DOCK11: variants seen among roughly 807,000 people sequenced by gnomAD.
DOCK11 encodes dedicator of cytokinesis 11.
DOCK11 carries 70 observed loss-of-function variants against 169.1 expected under a neutral mutation model. That is an observed-to-expected ratio of 0.41 (90% CI 0.34 to 0.51). The LOEUF is 0.51. Ranked by LOEUF, DOCK11 falls within the 20% of genes least tolerant of loss-of-function variation. The probability of loss-of-function intolerance (pLI) is 0.10; values close to 1 mark genes in which losing one functional copy is unlikely to be tolerated. For synonymous variants in DOCK11, 529 were observed against 541.3 expected, an observed-to-expected ratio of 0.98 and a Z score of 0.32; for missense variants, 1,166 against 1,538.8, an observed-to-expected ratio of 0.76 and a Z score of 4.05.
At position 118,558,700 on chromosome X, in the gene DOCK11, A is replaced by G. The variant is rs1460025840; in HGVS notation, c.559-2683A>G. Among the ~76,000 whole-genome samples, 6 of 112,411 alleles carry G rather than the reference A, an allele frequency of 5.3e-5. No homozygotes were observed. The Admixed American group carries it at 5.7e-4, about 11-fold the overall frequency. On this transcript the variant is annotated intron_variant, in intron 6 of 52. Coordinates refer to ENST00000276202, the MANE Select transcript of DOCK11 (RefSeq NM_144658.4). Reference sequence around the variant, plus strand: ...GACCTTACAATTTGTTGTTGGGCAGAGTCTGATTTCTACATAGAGATGACT... The same window carrying G: ...GACCTTACAATTTGTTGTTGGGCAGGGTCTGATTTCTACATAGAGATGACT...
intron 48 of DOCK11, among the ~76,000 whole-genome samples, chrX:118,679,708 G>C (rs893907592): frequency 9.0e-6 from 1 of 110,925 alleles, no homozygotes; most frequent in African/African-American, 3.3e-5. Context: ...CACTGCACTT[G>C]AGCCTGGGCA....
Position 118,614,742 on chromosome X carries a change from C to G in DOCK11, c.3147C>G (p.Asp1049Glu). The G allele has an allele frequency of 8.4e-7, 1 of 1,192,729 alleles. No individual in the cohort carries two copies. Among genetic ancestry groups the G allele is most frequent in the Non-Finnish European group, 1.1e-6 (1 of 881,209 alleles). Reference sequence around the variant, plus strand: ...GATTTATTTTCAATTTAATAAATGACTATATATCTGGATTCAGCCCCAAAG... The same window carrying G: ...GATTTATTTTCAATTTAATAAATGAGTATATATCTGGATTCAGCCCCAAAG... ...DRGFIFNLINDYISGFSPKDP... is the reference protein window; with the variant it reads ...DRGFIFNLINEYISGFSPKDP... The change falls in exon 29 of 53, where the codon GAC (aspartate) becomes GAG (glutamate). Residue 1049 changes from aspartate to glutamate, a missense_variant. Asp to Glu is a conservative substitution (Grantham distance 45). Transcript: ENST00000276202.
chrX:118,557,770 A>G (rs113655768), intron 6 of DOCK11, among the ~76,000 whole-genome samples: 2 of 101,810 alleles, frequency 2.0e-5, no homozygotes, highest in Admixed American at 1.1e-4. Context: ...TCTCAAAAAA[A>G]AAAAAAAAAA....
chrX:118,666,036 T>A (rs755411540), intron 45 of DOCK11, among the ~76,000 whole-genome samples: 1 of 111,291 alleles, frequency 9.0e-6, no homozygotes, highest in African/African-American at 3.3e-5. Context: ...GGCAGGCAGA[T>A]CACTTGAGGC....
At chrX:118,682,993 T>C (rs2016777997) in intron 51 of DOCK11, 86 bp from the exon 52 acceptor site, 1 of 948,601 alleles carries the variant, frequency 1.1e-6, no homozygotes, top group Non-Finnish European at 1.4e-6. Flanking sequence ...AGGCAAGCCA[T>C]GGCTAAACTG....
At chrX:118,605,419 G>C (rs2014470947) in intron 24 of DOCK11, 63 bp downstream of exon 24, 2 of 816,967 alleles carry the variant, frequency 2.4e-6, no homozygotes, top group African/African-American at 4.2e-5. Context: ...TTTTTTAATG[G>C]AGGTATTCAT....
intron 1 of DOCK11, among the ~76,000 whole-genome samples, chrX:118,516,022 T>TATATATATATATATATATA (rs1477771599): frequency 9.1e-5 from 8 of 88,288 alleles, no homozygotes; most frequent in African/African-American, 1.4e-4. Flanking sequence ...TATATATACA[T>TATATATATATATATATATA]TCTTACACCA....
chrX:118,671,341 A>G (rs2016466964), intron 46 of DOCK11, among the ~76,000 whole-genome samples, 196 bp downstream of exon 46: 2 of 111,817 alleles, frequency 1.8e-5, no homozygotes, highest in South Asian at 3.7e-4. Context: ...CAAAGTGACA[A>G]TTCCTAAAAA....
intron 1 of DOCK11, among the ~76,000 whole-genome samples, chrX:118,541,562 G>A (rs1294782): frequency 0.48 from 53,688 of 111,004 alleles, 9,502 homozygotes; most frequent in Non-Finnish European, 0.55. Context: ...ACCTGGGTTT[G>A]AATTCCAGTT....
rs2013089146 is a variant in DOCK11 at position 118,566,658 on chromosome X, A to G, written c.951+5A>G. On this transcript the variant is annotated splice_donor_5th_base_variant and intron_variant, in intron 9 of 52. Coordinates refer to ENST00000276202, the MANE Select transcript of DOCK11 (RefSeq NM_144658.4). ...ATGCATCCGGAACTGATGAAGGTAC[A>G]TCTTTCATATGGCAACTTGCCTTCA... 1 of 1,198,251 alleles carries G rather than the reference A, an allele frequency of 8.3e-7. No homozygotes were observed. The highest frequency in any genetic ancestry group is 3.0e-5 in the East Asian group (1 of 33,650).
At chrX:118,647,990 TATATA>T (rs1198128202) in intron 40 of DOCK11, among the ~76,000 whole-genome samples, 5 of 49,773 alleles carry the variant, frequency 1.0e-4, no homozygotes, top group African/African-American at 4.1e-4. Context: ...TATATAATAA[TATATA>T]ATATATTATT....
intron 39 of DOCK11, among the ~76,000 whole-genome samples, chrX:118,642,696 C>T (rs2015562595): frequency 9.0e-6 from 1 of 110,873 alleles, no homozygotes; most frequent in African/African-American, 3.3e-5. Flanking sequence ...AAGGAAAGTG[C>T]CAGAAAAATC....
At chrX:118,654,991 G>T in intron 44 of DOCK11, 30 bp downstream of exon 44, 1 of 1,155,125 alleles carries the variant, frequency 8.7e-7, no homozygotes, top group Non-Finnish European at 1.2e-6. Context: ...AGAGATGGGG[G>T]GATTTTCATT....
chrX:118,532,680 C>T (rs1216877766), intron 1 of DOCK11, among the ~76,000 whole-genome samples: 2 of 106,708 alleles, frequency 1.9e-5, no homozygotes, highest in African/African-American at 6.8e-5. Context: ...ACTCGGGAGG[C>T]TGAGGCAGGA....
At chrX:118,581,295 T>C (rs2013625338) in intron 14 of DOCK11, among the ~76,000 whole-genome samples, 1 of 111,656 alleles carries the variant, frequency 9.0e-6, no homozygotes, top group African/African-American at 3.3e-5. Context: ...CAAAATGTAT[T>C]GTATGTTGGT....
At chrX:118,608,404 T>C (rs1355529696) in intron 26 of DOCK11, 48 bp downstream of exon 26, 2 of 1,122,705 alleles carry the variant, frequency 1.8e-6, no homozygotes. Context: ...ATAGACACAC[T>C]TTTTTTGATA....
intron 6 of DOCK11, among the ~76,000 whole-genome samples, chrX:118,557,506 T>C (rs1393783870): frequency 3.6e-5 from 4 of 110,583 alleles, no homozygotes; most frequent in Admixed American, 9.6e-5. Flanking sequence ...CGGTGGCTCA[T>C]GCCTGTAATC....
intron 35 of DOCK11, among the ~76,000 whole-genome samples, chrX:118,635,318 A>G (rs1419631983): frequency 8.9e-6 from 1 of 111,826 alleles, no homozygotes; most frequent in African/African-American, 3.3e-5. Flanking sequence ...GTCTGCTGAC[A>G]CCATTAGCTC....
At chrX:118,611,501 C>T (rs993688479) in intron 28 of DOCK11, among the ~76,000 whole-genome samples, 4 of 112,445 alleles carry the variant, frequency 3.6e-5, no homozygotes, top group African/African-American at 1.3e-4. Flanking sequence ...TTCTCTGACC[C>T]CGTTGGCTTT....
Sources: gnomAD v4.1 joint callset for allele counts (sites outside exome capture counted in the v4.1 genomes callset) on GRCh38, gnomAD v4.1.1 for gene constraint, MANE v1.5 for transcripts, NCBI Gene and HGNC (gene_info 2026-07-23, HGNC 2026-07-21) for gene names.